PPP2R5E: variants seen among roughly 807,000 people sequenced by gnomAD.
The protein encoded by PPP2R5E is protein phosphatase 2 regulatory subunit B'epsilon, also known as serine/threonine-protein phosphatase 2A 56 kDa regulatory subunit epsilon isoform.
Under a neutral mutation model 65.3 loss-of-function variants are expected in PPP2R5E, and 4 were observed. The ratio of observed to expected loss-of-function variants is 0.06; its 90% CI spans 0.03 to 0.14. The LOEUF is 0.14. PPP2R5E is among the 10% of genes least tolerant of loss of function. PPP2R5E has a pLI of 1.00. For missense variants in PPP2R5E, 274 were observed against 556.1 expected (o/e 0.49, Z 5.10); for synonymous variants, 183 against 187.4 (o/e 0.98, Z 0.19).
chr14:63,461,235 C>T (rs1889439984), intron 2 of PPP2R5E, among the ~76,000 whole-genome samples: 3 of 152,030 alleles, frequency 2.0e-5, no homozygotes, highest in African/African-American at 7.2e-5. Context: ...ATTCCTAGAG[C>T]TTGACAGGCT....
chr14:63,402,472 G>A (rs1243396554), intron 5 of PPP2R5E, among the ~76,000 whole-genome samples: 11 of 151,982 alleles, frequency 7.2e-5, no homozygotes, highest in African/African-American at 1.9e-4. Flanking sequence ...ACAATTATAA[G>A]GAACTCAGAG....
At chr14:63,404,420 A>G (rs998344980) in intron 5 of PPP2R5E, among the ~76,000 whole-genome samples, 2 of 152,194 alleles carry the variant, frequency 1.3e-5, no homozygotes, top group Non-Finnish European at 2.9e-5. Flanking sequence ...TTCTCCTACT[A>G]CCTGAAAACT....
At chr14:63,458,455 C>T (rs1389959679) in intron 2 of PPP2R5E, among the ~76,000 whole-genome samples, 1 of 152,140 alleles carries the variant, frequency 6.6e-6, no homozygotes, top group East Asian at 1.9e-4. Context: ...AATATGTGCC[C>T]AGTCTCTTGA....
At chr14:63,450,872 G>A (rs1566711882) in intron 3 of PPP2R5E, among the ~76,000 whole-genome samples, 1 of 151,908 alleles carries the variant, frequency 6.6e-6, no homozygotes, top group South Asian at 2.1e-4. Context: ...TGTTTTTTCA[G>A]GAAAACAATA....
chr14:63,478,220 C>A (rs1890505222), intron 2 of PPP2R5E, among the ~76,000 whole-genome samples: 1 of 152,178 alleles, frequency 6.6e-6, no homozygotes, highest in South Asian at 2.1e-4. Flanking sequence ...AACCTAACAT[C>A]TGGCCTCTTT....
At chr14:63,428,750 T>A (rs372348511) in intron 3 of PPP2R5E, among the ~76,000 whole-genome samples, 2 of 152,224 alleles carry the variant, frequency 1.3e-5, no homozygotes, top group African/African-American at 4.8e-5. Flanking sequence ...CATTTAGGCA[T>A]ATTTTTATCA....
At chr14:63,478,323 T>C (rs1402062715) in intron 2 of PPP2R5E, among the ~76,000 whole-genome samples, 2 of 152,180 alleles carry the variant, frequency 1.3e-5, no homozygotes, top group Non-Finnish European at 2.9e-5. Context: ...AAAATATGGA[T>C]TATATCTACC....
At chr14:63,445,787 A>C (rs568727029) in intron 3 of PPP2R5E, among the ~76,000 whole-genome samples, 6 of 151,864 alleles carry the variant, frequency 4.0e-5, no homozygotes, top group Non-Finnish European at 7.4e-5. Flanking sequence ...GGTTGCAGTG[A>C]GCGGAGATTG....
chr14:63,519,189 G>A (rs1892782331), intron 2 of PPP2R5E, among the ~76,000 whole-genome samples: 2 of 152,070 alleles, frequency 1.3e-5, no homozygotes, highest in East Asian at 1.9e-4. Flanking sequence ...ACTCCAGGCT[G>A]GGCAACAAGA....
At chr14:63,391,020 TTCTAA>T (rs1377724830) in intron 10 of PPP2R5E, among the ~76,000 whole-genome samples, 19 of 152,338 alleles carry the variant, frequency 1.2e-4, no homozygotes, top group African/African-American at 4.1e-4. Context: ...CTGTTGTCTA[TTCTAA>T]GATGACACAG....
At chr14:63,430,373 GCATGCATACATACATA>G (rs1451101325) in intron 3 of PPP2R5E, among the ~76,000 whole-genome samples, 3,346 of 126,618 alleles carry the variant, frequency 0.026, 132 homozygotes, top group African/African-American at 0.1. Context: ...ATACATACAT[GCATGCATACATACATA>G]CATACATACA....
chr14:63,505,053 G>A (rs1416048277), intron 2 of PPP2R5E, among the ~76,000 whole-genome samples: 2 of 152,034 alleles, frequency 1.3e-5, no homozygotes, highest in South Asian at 2.1e-4. Context: ...TACTAAGACC[G>A]GCCGGGCGTG....
intron 3 of PPP2R5E, among the ~76,000 whole-genome samples, chr14:63,436,195 A>G (rs1887945244): frequency 6.6e-6 from 1 of 152,234 alleles, no homozygotes; most frequent in African/African-American, 2.4e-5. Context: ...AAGTTGATAA[A>G]ACAATACCAA....
chr14:63,397,158 C>G (rs765727682), intron 5 of PPP2R5E, among the ~76,000 whole-genome samples: 1 of 152,136 alleles, frequency 6.6e-6, no homozygotes, highest in Non-Finnish European at 1.5e-5. Flanking sequence ...GCCAAAAGTC[C>G]GTAGCTCAAC....
chr14:63,430,357 A>ACATG (rs1312788944), intron 3 of PPP2R5E, among the ~76,000 whole-genome samples: 5 of 128,182 alleles, frequency 3.9e-5, no homozygotes, highest in Non-Finnish European at 6.2e-5. Context: ...ATACATACAT[A>ACATG]CATACATACA....
chr14:63,456,582 G>T (rs562317695), intron 2 of PPP2R5E, among the ~76,000 whole-genome samples: 1 of 152,262 alleles, frequency 6.6e-6, no homozygotes, highest in African/African-American at 2.4e-5. Flanking sequence ...TCTGCAGTAG[G>T]TACTATTTCT....
rs964607047 is a variant in PPP2R5E at position 63,371,872 on chromosome 14, C to T, written c.*4137G>A. The T allele has an allele frequency of 9.2e-5, 14 of 152,028 alleles. No homozygotes were observed. The highest frequency in any genetic ancestry group is 2.9e-4 in the African/African-American group (12 of 41,400). 9.4% of individuals were successfully genotyped at this position (152,028 alleles called of 1,614,324 possible). ...TACCAAAAGATTTATGAAGCTAAAG[C>T]GAAGTCCTCAAACCAAAAGCAACAG... On this transcript the variant is annotated 3_prime_UTR_variant, in exon 14 of 14. Transcript: ENST00000337537.
At chr14:63,422,496 G>C (rs1056974770) in intron 3 of PPP2R5E, among the ~76,000 whole-genome samples, 7 of 152,142 alleles carry the variant, frequency 4.6e-5, no homozygotes, top group Non-Finnish European at 8.8e-5. Context: ...GGAGGCCAAG[G>C]TGGGGGGATC....
At chr14:63,377,092 C>T (rs1479079748) in intron 13 of PPP2R5E, among the ~76,000 whole-genome samples, 3 of 150,964 alleles carry the variant, frequency 2.0e-5, no homozygotes, top group East Asian at 3.9e-4. Context: ...GAGATTGCAG[C>T]GAGCCGAGAT....
Sources: allele counts gnomAD v4.1 joint callset (sites outside exome capture counted in the v4.1 genomes callset), GRCh38; gene constraint gnomAD v4.1.1; transcripts MANE v1.5; gene names NCBI Gene and HGNC (gene_info 2026-07-23, HGNC 2026-07-21).